SAE1: variants seen among roughly 807,000 people sequenced by gnomAD.
SAE1 encodes the protein SUMO-activating enzyme subunit 1.
SAE1 carries 11 observed loss-of-function variants against 40.6 expected under a neutral mutation model. The observed-to-expected ratio is 0.27, with a 90% CI of 0.17 to 0.45. SAE1 has a LOEUF of 0.45. SAE1 is among the 20% of genes least tolerant of loss of function. SAE1 has a pLI of 1.00. For synonymous variants in SAE1, 155 were observed against 154.3 expected (o/e 1.00, Z -0.03); for missense variants, 373 against 427.3 (o/e 0.87, Z 1.12).
chr19:47,132,835 A>G (rs1274130615), intron 1 of SAE1, among the ~76,000 whole-genome samples: 1 of 151,358 alleles, frequency 6.6e-6, no homozygotes, highest in Non-Finnish European at 1.5e-5. Context: ...GGTTGCAGTG[A>G]GCCATGATCA....
chr19:47,144,248 C>T (rs985981957), intron 2 of SAE1, among the ~76,000 whole-genome samples: 9 of 150,646 alleles, frequency 6.0e-5, no homozygotes, highest in Admixed American at 5.3e-4. Context: ...GCACAAGAAT[C>T]GCTTGAATCT....
chr19:47,162,484 C>A (rs889678916), intron 5 of SAE1, among the ~76,000 whole-genome samples: 2 of 152,102 alleles, frequency 1.3e-5, no homozygotes, highest in Admixed American at 1.3e-4. Context: ...TTGGTAACTT[C>A]AGGCGTTTTT....
chr19:47,171,204 A>C (rs1275473542), intron 6 of SAE1, among the ~76,000 whole-genome samples: 1 of 151,428 alleles, frequency 6.6e-6, no homozygotes, highest in Non-Finnish European at 1.5e-5. Flanking sequence ...CACTCTCTTG[A>C]CCTCGTGATC....
At chr19:47,195,798 A>G (rs1171787881) in intron 6 of SAE1, among the ~76,000 whole-genome samples, 1 of 126,372 alleles carries the variant, frequency 7.9e-6, no homozygotes. Context: ...TGCAGTGATG[A>G]GATCTCTGCT....
intron 1 of SAE1, among the ~76,000 whole-genome samples, chr19:47,134,291 C>T (rs951158410): frequency 2.0e-5 from 3 of 149,922 alleles, no homozygotes; most frequent in Admixed American, 6.7e-5. Flanking sequence ...GAGGCAGACA[C>T]GTCAGGAGAA....
chr19:47,158,281 T>TA (rs142165624), intron 5 of SAE1, among the ~76,000 whole-genome samples: 1 of 152,312 alleles, frequency 6.6e-6, no homozygotes, highest in Non-Finnish European at 1.5e-5. Flanking sequence ...TCACACCCTC[T>TA]AGGAAGCTGG....
chr19:47,157,724 A>G (rs1367250880), intron 5 of SAE1, among the ~76,000 whole-genome samples: 1 of 152,188 alleles, frequency 6.6e-6, no homozygotes, highest in African/African-American at 2.4e-5. Context: ...GCTGAGCTGG[A>G]AGGTATCAAA....
At chr19:47,144,977 A>G (rs1380108237) in intron 2 of SAE1, among the ~76,000 whole-genome samples, 1 of 150,450 alleles carries the variant, frequency 6.6e-6, no homozygotes. Context: ...GATTACAGGC[A>G]CGCACCACCA....
At chr19:47,203,834 TTCTC>T in intron 8 of SAE1, 94 bp downstream of exon 8, 4 of 1,096,522 alleles carry the variant, frequency 3.6e-6, no homozygotes, top group South Asian at 1.3e-5. Context: ...GCTGCCTGCT[TTCTC>T]TCACCCCATT....
At chr19:47,182,657 G>A (rs781296175) in intron 6 of SAE1, among the ~76,000 whole-genome samples, 6 of 152,076 alleles carry the variant, frequency 3.9e-5, no homozygotes, top group African/African-American at 9.7e-5. Flanking sequence ...ACAGCAGAGA[G>A]CTCATGAGAG....
At chr19:47,158,236 G>C (rs307896) in intron 5 of SAE1, among the ~76,000 whole-genome samples, 20 of 152,064 alleles carry the variant, frequency 1.3e-4, no homozygotes, top group African/African-American at 4.6e-4. Context: ...AATTAGTAAC[G>C]TTGAAAAACA....
At chr19:47,201,134 G>T (rs2058651797) in intron 7 of SAE1, among the ~76,000 whole-genome samples, 1 of 151,330 alleles carries the variant, frequency 6.6e-6, no homozygotes, top group Non-Finnish European at 1.5e-5. Flanking sequence ...CTCCGCCTCT[G>T]TGCTCTGTGG....
intron 6 of SAE1, among the ~76,000 whole-genome samples, chr19:47,179,322 A>G (rs1218968381): frequency 6.6e-6 from 1 of 151,916 alleles, no homozygotes; most frequent in East Asian, 1.9e-4. Context: ...CCTGGGCAAC[A>G]TGGTGAAACC....
intron 6 of SAE1, among the ~76,000 whole-genome samples, chr19:47,178,673 A>G (rs549045146): frequency 1.3e-5 from 2 of 152,232 alleles, no homozygotes; most frequent in East Asian, 1.9e-4. Context: ...GGGTTTCGCC[A>G]TGTTGGCCAG....
chr19:47,144,481 T>C (rs1017419676), intron 2 of SAE1, among the ~76,000 whole-genome samples: 2 of 151,852 alleles, frequency 1.3e-5, no homozygotes, highest in African/African-American at 4.8e-5. Flanking sequence ...GGGCAGATCA[T>C]GAGGTCAGGA....
chr19:47,194,677 C>T (rs1029800569), intron 6 of SAE1, among the ~76,000 whole-genome samples: 3 of 151,930 alleles, frequency 2.0e-5, no homozygotes, highest in Non-Finnish European at 4.4e-5. Flanking sequence ...GAATGCCTGC[C>T]CGCCCGCAGG....
intron 1 of SAE1, among the ~76,000 whole-genome samples, chr19:47,136,051 T>C (rs536740500): frequency 2.0e-5 from 3 of 151,954 alleles, no homozygotes; most frequent in African/African-American, 7.2e-5. Flanking sequence ...TACCACAATT[T>C]CTTTATCCAT....
intron 6 of SAE1, among the ~76,000 whole-genome samples, chr19:47,174,101 A>T (rs1207190690): frequency 6.6e-6 from 1 of 151,580 alleles, no homozygotes; most frequent in African/African-American, 2.4e-5. Flanking sequence ...CCTTAATTCC[A>T]TCCCTCAGTG....
In SAE1 at chr19:47,130,867, C is replaced by A; in HGVS notation, c.-64C>A. 1 of 1,543,630 alleles carries A rather than the reference C, an allele frequency of 6.5e-7. No individual in the cohort carries two copies. Among genetic ancestry groups the A allele is most frequent in the Non-Finnish European group, 8.7e-7 (1 of 1,144,308 alleles). ...GCGTGCTGCCGGCGGCGGTAGGTGG[C>A]GCGCGGGTCCGGCGGGCGGTTGGCT... is the stretch of plus-strand genomic sequence containing the variant. On this transcript the variant is annotated 5_prime_UTR_variant, in exon 1 of 9. Coordinates refer to ENST00000270225, the MANE Select transcript of SAE1 (RefSeq NM_005500.3).
Sources: gnomAD v4.1 joint callset for allele counts (sites outside exome capture counted in the v4.1 genomes callset) on GRCh38, gnomAD v4.1.1 for gene constraint, MANE v1.5 for transcripts, NCBI Gene and HGNC (gene_info 2026-07-23, HGNC 2026-07-21) for gene names.